PLXNB2: variants seen among roughly 807,000 people sequenced by gnomAD.
The protein encoded by PLXNB2 is plexin-B2.
A neutral mutation model predicts 202.6 loss-of-function variants in PLXNB2; 85 were observed. That is an observed-to-expected ratio of 0.42 (90% CI 0.35 to 0.50). The LOEUF (loss-of-function observed/expected upper bound fraction) is 0.50. PLXNB2 is among the 20% of genes least tolerant of loss of function. The probability of loss-of-function intolerance (pLI) is 0.02; values close to 1 mark genes in which losing one functional copy is unlikely to be tolerated. For missense variants in PLXNB2, 2,063 were observed against 2,586.2 expected (o/e 0.80, Z 4.39); for synonymous variants, 1,239 against 1,137.6 (o/e 1.09, Z -1.79).
At chr22:50,307,409 G>T (rs973112623) in intron 1 of PLXNB2, 144 bp downstream of exon 1, 2 of 291,582 alleles carry the variant, frequency 6.9e-6, no homozygotes, top group African/African-American at 2.3e-5. Context: ...CGGGGCCCAG[G>T]CCCCGGGAGC....
intron 1 of PLXNB2, chr22:50,301,267 C>G (rs1000681817): frequency 6.6e-5 from 27 of 409,150 alleles, no homozygotes; most frequent in Non-Finnish European, 8.6e-5. Flanking sequence ...CCATCCTGTC[C>G]AACCTGGGCA....
At position 50,307,542 on chromosome 22, in the gene PLXNB2, G is replaced by A. The variant is rs561023386; in HGVS notation, c.-74+11C>T. The A allele has an allele frequency of 9.2e-6, 9 of 981,110 alleles. No homozygotes were observed. The highest frequency in any genetic ancestry group is 6.2e-5 in the Admixed American group (1 of 16,020). The allele number at this position is 981,110 out of a possible 1,614,324, so 60.8% of individuals were successfully genotyped here. On this transcript the variant is annotated intron_variant, in intron 1 of 36. Transcript: ENST00000359337. The stretch of plus-strand genomic sequence containing the variant: ...GACGTCCCCCGCAGCCCAGTCCCCC[G>A]AGCTCGGTACCTGCACGTCCGCCGC...
chr22:50,291,285 C>T lies in PLXNB2; in HGVS notation c.-13-688G>A, dbSNP rs758794049. Among the ~76,000 whole-genome samples the T allele has an allele frequency of 3.3e-5, 5 of 152,224 alleles. No homozygotes were observed. The highest frequency in any genetic ancestry group is 9.6e-5 in the African/African-American group (4 of 41,466). Reference sequence around the variant, plus strand: ...GCCCATGTCACGCCCAGGGCACAGCCTCTGATGTGCGCACAGCGGAGGCAA... The same window carrying T: ...GCCCATGTCACGCCCAGGGCACAGCTTCTGATGTGCGCACAGCGGAGGCAA... On this transcript the variant is annotated intron_variant, in intron 2 of 36. Transcript: ENST00000359337. The surrounding 1 kb of genome is among the most constrained non-coding windows in gnomAD (Gnocchi z 4.3).
At chr22:50,295,042 C>T (rs954404010) in intron 1 of PLXNB2, among the ~76,000 whole-genome samples, 1 of 152,060 alleles carries the variant, frequency 6.6e-6, no homozygotes. Context: ...TTTCTGAGGC[C>T]GGGTGCGGTG....
Position 50,275,474 on chromosome 22 carries a change from G to A in PLXNB2, c.*230C>T, listed in dbSNP as rs1008516810. ...GTGAACACCCGATGCTGGTTCTGCG[G>A]CCGGAGGGAGCTGGGGCTGGGGCTG... is the stretch of plus-strand genomic sequence containing the variant. On this transcript the variant is annotated 3_prime_UTR_variant, in exon 37 of 37. Transcript: ENST00000359337. 6.1e-6 allele frequency: 4 copies of A among 656,364 alleles called. No homozygotes were observed. The Admixed American group carries it at 6.2e-5, about 10-fold the overall frequency. 40.7% of individuals were successfully genotyped at this position (656,364 alleles called of 1,614,324 possible).
At chr22:50,294,510 A>G (rs2067119479) in intron 2 of PLXNB2, among the ~76,000 whole-genome samples, 1 of 150,460 alleles carries the variant, frequency 6.6e-6, no homozygotes, top group Admixed American at 6.6e-5. Context: ...GCCTCAGAGA[A>G]CCATGGGAGC....
rs185099497 is a variant in PLXNB2 at position 50,287,181 on chromosome 22, G to A, written c.1692C>T (p.Pro564=). ...LCLFGESPPH[P]ARVEGEAVIC... is the part of the protein sequence containing the mutation. ...TGACGGCCTCGCCCTCCACGCGGGC[G>A]GGGTGTGGCGGCGACTCCCCAAAAA... Residue 564 remains proline (P), a synonymous_variant, in exon 8 of 37, where the codon CCC becomes CCT. Transcript: ENST00000359337. 10 of 1,548,130 alleles carry A rather than the reference G, an allele frequency of 6.5e-6. No individual in the cohort carries two copies. The highest frequency in any genetic ancestry group is 2.4e-5 in the East Asian group (1 of 40,820).
At chr22:50,286,965 G>A in intron 8 of PLXNB2, 146 bp downstream of exon 8, 2 of 787,096 alleles carry the variant, frequency 2.5e-6, no homozygotes, top group South Asian at 2.4e-5. Flanking sequence ...CCCACCACAG[G>A]CTTCATTCAG....
chr22:50,289,395 C>T lies in PLXNB2; in HGVS notation c.1068+122G>A, dbSNP rs914089162. The T allele has an allele frequency of 8.4e-6, 11 of 1,303,142 alleles. 1 individual carries two copies. In the South Asian group the frequency reaches 1.7e-4, roughly 20 times the overall value. The allele number at this position is 1,303,142 out of a possible 1,614,324, so 80.7% of individuals were successfully genotyped here. On this transcript the variant is annotated intron_variant, in intron 3 of 36. Coordinates refer to ENST00000359337, the MANE Select transcript of PLXNB2 (RefSeq NM_012401.4). The surrounding 1 kb of genome is among the most constrained non-coding windows in gnomAD (Gnocchi z 8.0). ...ATGCGGCACCCACCCACGCAAGCGC[C>T]CAGGCTGGCGAGAGCCACGGCCACA...
rs554572542 is a variant in PLXNB2 at position 50,281,506 on chromosome 22, G to T, written c.3523-7C>A. 16 of 1,610,736 alleles carry T rather than the reference G, an allele frequency of 9.9e-6. No individual in the cohort carries two copies. Among genetic ancestry groups the T allele is most frequent in the African/African-American group, 5.3e-5 (4 of 75,004 alleles). ...CGCGAGAGCCGAACTTCACCTGTGT[G>T]GGGGGCCGGGTTCAGCGCGGTCCCG... On this transcript the variant is annotated splice_region_variant and splice_polypyrimidine_tract_variant and intron_variant, in intron 21 of 36. Coordinates refer to ENST00000359337, the MANE Select transcript of PLXNB2 (RefSeq NM_012401.4).
Position 50,277,831 on chromosome 22 carries a change from C to A in PLXNB2, c.5048+22G>T, listed in dbSNP as rs373840978. On this transcript the variant is annotated intron_variant, in intron 32 of 36. Coordinates refer to ENST00000359337, the MANE Select transcript of PLXNB2 (RefSeq NM_012401.4). ...GAGAGGCGGAGCCGGGGCTGGGCCG[C>A]GGGGTGGGTGTGGAGCCTCACCTGT... 10 of 1,607,968 alleles carry A rather than the reference C, an allele frequency of 6.2e-6. No individual in the cohort carries two copies. The African/African-American group carries it at 1.1e-4, about 17-fold the overall frequency.
At chr22:50,300,998 C>T (rs1181054013) in intron 1 of PLXNB2, among the ~76,000 whole-genome samples, 2 of 152,156 alleles carry the variant, frequency 1.3e-5, no homozygotes, top group Admixed American at 6.5e-5. Flanking sequence ...GCCCCCTCTC[C>T]GCCTCTGCAC....
At chr22:50,293,072 G>A (rs1265360592) in intron 2 of PLXNB2, among the ~76,000 whole-genome samples, 1 of 152,204 alleles carries the variant, frequency 6.6e-6, no homozygotes, top group Admixed American at 6.5e-5. Flanking sequence ...AGGGCCATGG[G>A]ACCCCAGGCT....
At position 50,277,732 on chromosome 22, in the gene PLXNB2, C is replaced by G; in HGVS notation, c.5055G>C (p.Pro1685=). Residue 1685 remains proline (P), a synonymous_variant, in exon 33 of 37, where the codon CCG becomes CCC. Transcript: ENST00000359337. ...TGAGGATGTTCACCCAGAACCGGAG[C>G]GGTAAGCTGAGGCAGAGCAGCAGGG... The part of the protein sequence containing the change: ...TIHIWKTNSL[P]LRFWVNILKN... 1 of 1,595,818 alleles carries G rather than the reference C, an allele frequency of 6.3e-7. No individual in the cohort carries two copies. The highest frequency in any genetic ancestry group is 8.6e-7 in the Non-Finnish European group (1 of 1,168,314).
At chr22:50,293,245 G>C (rs1019913563) in intron 2 of PLXNB2, among the ~76,000 whole-genome samples, 2 of 152,196 alleles carry the variant, frequency 1.3e-5, no homozygotes, top group African/African-American at 2.4e-5. Flanking sequence ...CTGTCCAGGG[G>C]AGAGGAGAGG....
chr22:50,277,528 C>T (rs1353415753), intron 33 of PLXNB2, 63 bp downstream of exon 33: 16 of 1,460,262 alleles, frequency 1.1e-5, no homozygotes, highest in Non-Finnish European at 1.4e-5. Context: ...TCCCAACTCA[C>T]AAGATGCCTC....
Position 50,287,404 on chromosome 22 carries a change from C to T in PLXNB2, c.1609-140G>A, listed in dbSNP as rs1393718559. 29 of 1,020,318 alleles carry T rather than the reference C, an allele frequency of 2.8e-5. No individual in the cohort carries two copies. In the South Asian group the frequency reaches 3.6e-4, roughly 13 times the overall value. 63.2% of individuals were successfully genotyped at this position (1,020,318 alleles called of 1,614,324 possible). On this transcript the variant is annotated intron_variant, in intron 7 of 36. Coordinates refer to ENST00000359337, the MANE Select transcript of PLXNB2 (RefSeq NM_012401.4). ...CCGACTCCACGTCTTCCAATACAGG[C>T]CTCTCTGTGGTCACCCCAGCAACTC...
intron 25 of PLXNB2, 52 bp downstream of exon 25, chr22:50,280,437 C>G (rs1332075943): frequency 1.3e-6 from 2 of 1,520,280 alleles, no homozygotes; most frequent in Non-Finnish European, 1.8e-6. Context: ...AGCCCCAGAG[C>G]CCCTGCGGCC....
At position 50,281,713 on chromosome 22, in the gene PLXNB2, C is replaced by A; in HGVS notation, c.3375G>T (p.Leu1125=). 6.4e-7 allele frequency: 1 copy of A among 1,561,382 alleles called. No individual in the cohort carries two copies. Among genetic ancestry groups the A allele is most frequent in the Non-Finnish European group, 8.7e-7 (1 of 1,151,716 alleles). ...CACCCACGAAGGCCTCGGCCTCCTG[C>A]AGCGTCATCGCCTTGTTCAGATTGG... ...RGTNLNKAMT[L]QEAEAFVGAE... The change falls in exon 21 of 37, where the codon CTG becomes CTT. Residue 1125 remains leucine, a synonymous_variant. Coordinates refer to ENST00000359337, the MANE Select transcript of PLXNB2 (RefSeq NM_012401.4).
Sources: allele counts gnomAD v4.1 joint callset (sites outside exome capture counted in the v4.1 genomes callset), GRCh38; gene constraint gnomAD v4.1.1; non-coding constraint Gnocchi (gnomAD v3.1); transcripts MANE v1.5; gene names NCBI Gene and HGNC (gene_info 2026-07-23, HGNC 2026-07-21).